The following MED9 variants were observed in gnomAD, a reference collection of about 807,000 sequenced individuals.
MED9 encodes the protein mediator complex subunit 9, also known as mediator of RNA polymerase II transcription subunit 9.
In MED9, 8 loss-of-function variants were observed where a neutral mutation model predicts 13.2. The observed-to-expected ratio is 0.61, with a 90% CI of 0.36 to 1.10. The LOEUF is 1.10. Among genes scored for constraint, MED9 ranks in the 50% least tolerant of loss-of-function variants. The pLI is 0.02. For missense variants in MED9, 180 were observed against 193.4 expected (o/e 0.93, Z 0.41); for synonymous variants, 87 against 82.8 (o/e 1.05, Z -0.28).
At position 17,484,611 on chromosome 17, in the gene MED9, C is replaced by T. The variant is rs566339603; in HGVS notation, c.225-6668C>T. Among the ~76,000 whole-genome samples, 258 of 152,382 alleles carry T rather than the reference C, an allele frequency of 1.7e-3. 1 individual carries two copies. The highest frequency in any genetic ancestry group is 6.0e-3 in the African/African-American group (250 of 41,602). Reference sequence around the variant, plus strand: ...GCATGCAGTTACTGCAGGCCTCTGCCGTTCACTTTCTTCTCCCTCAGCCAC... The same window carrying T: ...GCATGCAGTTACTGCAGGCCTCTGCTGTTCACTTTCTTCTCCCTCAGCCAC... On this transcript the variant is annotated intron_variant, in intron 1 of 1. Coordinates refer to ENST00000268711, the MANE Select transcript of MED9 (RefSeq NM_018019.3).
At chr17:17,488,941 T>C (rs2142476721) in intron 1 of MED9, among the ~76,000 whole-genome samples, 1 of 152,348 alleles carries the variant, frequency 6.6e-6, no homozygotes, top group Non-Finnish European at 1.5e-5. Flanking sequence ...AGTGGCTTTT[T>C]TCATTCCTTC....
rs915409657 is a variant in MED9 at position 17,493,059 on chromosome 17, G to T, written c.*1564G>T. 1 of 152,216 alleles carries T rather than the reference G, an allele frequency of 6.6e-6. No homozygotes were observed. Among genetic ancestry groups the T allele is most frequent in the Non-Finnish European group, 1.5e-5 (1 of 68,032 alleles). The allele number at this position is 152,216 out of a possible 1,614,324, so 9.4% of individuals were successfully genotyped here. A position where few individuals can be genotyped will look rare whatever the true frequency, so the allele number is the denominator to read the frequency against. ...ACAGATACCACGAAACATGAAGCAC[G>T]TGGAACTACAAGACCCCCGGGGTCT... On this transcript the variant is annotated 3_prime_UTR_variant, in exon 2 of 2. Transcript: ENST00000268711.
chr17:17,485,527 CTGGCAGGATGG>C (rs1381503388), intron 1 of MED9: 3 of 389,916 alleles, frequency 7.7e-6, no homozygotes, highest in East Asian at 3.6e-5. Flanking sequence ...GGAGATGGAG[CTGGCAGGATGG>C]TGGCTGGAAG....
intron 1 of MED9, among the ~76,000 whole-genome samples, chr17:17,479,460 T>C (rs537443956): frequency 2.2e-3 from 325 of 151,070 alleles, no homozygotes; most frequent in Non-Finnish European, 3.4e-3. Flanking sequence ...CTGTGAAACA[T>C]AGTGGGTTGA....
intron 1 of MED9, chr17:17,486,683 AC>A: frequency 1.9e-5 from 3 of 155,618 alleles, no homozygotes; most frequent in Non-Finnish European, 4.2e-5. Context: ...GACGAGCACC[AC>A]CCCCTGCTCC....
intron 1 of MED9, among the ~76,000 whole-genome samples, chr17:17,482,374 A>G (rs1905046016): frequency 6.6e-6 from 1 of 152,154 alleles, no homozygotes; most frequent in African/African-American, 2.4e-5. Flanking sequence ...GGCAAATCTC[A>G]TAGGTCAGAA....
Position 17,477,246 on chromosome 17 carries a change from G to A in MED9, c.205G>A (p.Val69Ile). The part of the protein sequence containing the change: ...EEENYSFLPL[V>I]HNIIKCMDKD... ...AGAGAACTACTCCTTTTTACCTTTG[G>A]TTCACAACATCATCAAATGGTAAGA... Residue 69 changes from valine to isoleucine, a missense_variant, in exon 1 of 2, where the codon GTT becomes ATT. Physicochemically the swap from Val to Ile is conservative, Grantham distance 29. Transcript: ENST00000268711. 1 of 1,601,402 alleles carries A rather than the reference G, an allele frequency of 6.2e-7. No individual in the cohort carries two copies. The highest frequency in any genetic ancestry group is 8.5e-7 in the Non-Finnish European group (1 of 1,172,332).
At chr17:17,491,023 A>C (rs1174578258) in intron 1 of MED9, among the ~76,000 whole-genome samples, 1 of 152,170 alleles carries the variant, frequency 6.6e-6, no homozygotes, top group Admixed American at 6.5e-5. Context: ...TCAGAGTGAC[A>C]GTTGACTTGA....
chr17:17,486,692 T>C, intron 1 of MED9: 1 of 155,628 alleles, frequency 6.4e-6, no homozygotes, highest in Non-Finnish European at 1.4e-5. Flanking sequence ...CACCCCCTGC[T>C]CCAGGGCGCC....
rs889687659 is a variant in MED9, at chr17:17,491,823, CG to C, written c.*330del. On this transcript the variant is annotated 3_prime_UTR_variant, in exon 2 of 2. Coordinates refer to ENST00000268711, the MANE Select transcript of MED9 (RefSeq NM_018019.3). ...TGGGGAGGGGGCCATCTGCTGCGCC[CG>C]GCCCCACTGACAGATCTGAAGAGCA... The C allele has an allele frequency of 1.2e-4, 45 of 369,756 alleles. No homozygotes were observed. The highest frequency in any genetic ancestry group is 9.2e-4 in the African/African-American group (44 of 47,976). 22.9% of individuals were successfully genotyped at this position (369,756 alleles called of 1,614,324 possible).
At position 17,491,807 on chromosome 17, in the gene MED9, G is replaced by T. The variant is rs911042903; in HGVS notation, c.*312G>T. The T allele has an allele frequency of 1.5e-5, 6 of 388,042 alleles. No individual in the cohort carries two copies. Among genetic ancestry groups the T allele is most frequent in the Non-Finnish European group, 2.9e-5 (6 of 204,450 alleles). The allele number at this position is 388,042 out of a possible 1,614,324, so 24.0% of individuals were successfully genotyped here. ...GACTCTCCCCTGCCTCTGGGGAGGG[G>T]GCCATCTGCTGCGCCCGGCCCCACT... is the stretch of plus-strand genomic sequence containing the variant. On this transcript the variant is annotated 3_prime_UTR_variant, in exon 2 of 2. Transcript: ENST00000268711.
At chr17:17,490,277 A>C (rs1365683147) in intron 1 of MED9, among the ~76,000 whole-genome samples, 3 of 152,230 alleles carry the variant, frequency 2.0e-5, no homozygotes, top group African/African-American at 7.2e-5. Flanking sequence ...CTCTACTAAA[A>C]ATACAAAAAT....
At chr17:17,485,231 CT>C in intron 1 of MED9, 1 of 395,658 alleles carries the variant, frequency 2.5e-6, no homozygotes, top group Non-Finnish European at 4.5e-6. Context: ...GGTTTCGTCT[CT>C]GTCTACAGGC....
In MED9 at chr17:17,492,380, C is replaced by G. The variant is rs1033177540; in HGVS notation, c.*885C>G. ...CCCTTGCTCTGGTTAAAAGGTCTTTCCCTCGTGGCCTTTGCACTTGCGGCA... is the reference window on the plus strand; with the variant it reads ...CCCTTGCTCTGGTTAAAAGGTCTTTGCCTCGTGGCCTTTGCACTTGCGGCA... On this transcript the variant is annotated 3_prime_UTR_variant, in exon 2 of 2. Transcript: ENST00000268711. 6.6e-6 allele frequency: 1 copy of G among 152,298 alleles called. No individual in the cohort carries two copies. The highest frequency in any genetic ancestry group is 1.5e-5 in the Non-Finnish European group (1 of 68,094). The allele number at this position is 152,298 out of a possible 1,614,324, so 9.4% of individuals were successfully genotyped here. A position where few individuals can be genotyped will look rare whatever the true frequency, so the allele number is the denominator to read the frequency against.
rs902869770 is a variant in MED9 at position 17,492,915 on chromosome 17, C to T, written c.*1420C>T. 6.6e-6 allele frequency: 1 copy of T among 152,238 alleles called. No homozygotes were observed. The highest frequency in any genetic ancestry group is 2.4e-5 in the African/African-American group (1 of 41,434). The allele number at this position is 152,238 out of a possible 1,614,324, so 9.4% of individuals were successfully genotyped here. The stretch of plus-strand genomic sequence containing the variant: ...CAGTGGCTTTGGACAGAAAAGAAGG[C>T]TCTGGATTTAAGCGGGTGGTCACCT... On this transcript the variant is annotated 3_prime_UTR_variant, in exon 2 of 2. Coordinates refer to ENST00000268711, the MANE Select transcript of MED9 (RefSeq NM_018019.3).
rs571393617 is a variant in MED9 at position 17,491,603 on chromosome 17, G to C, written c.*108G>C. 14 of 1,093,654 alleles carry C rather than the reference G, an allele frequency of 1.3e-5. No homozygotes were observed. Among genetic ancestry groups the C allele is most frequent in the Non-Finnish European group, 1.7e-5 (13 of 748,710 alleles). The allele number at this position is 1,093,654 out of a possible 1,614,324, so 67.7% of individuals were successfully genotyped here. ...GTTCCTGTGGACCCCAGCTCAGCTC[G>C]TCAAGCTGCAGGGGCGGGGCTCCTG... On this transcript the variant is annotated 3_prime_UTR_variant, in exon 2 of 2. Coordinates refer to ENST00000268711, the MANE Select transcript of MED9 (RefSeq NM_018019.3).
Position 17,491,498 on chromosome 17 carries a change from T to A in MED9, c.*3T>A, listed in dbSNP as rs1905227247. 1 of 1,604,306 alleles carries A rather than the reference T, an allele frequency of 6.2e-7. No homozygotes were observed. The highest frequency in any genetic ancestry group is 8.5e-7 in the Non-Finnish European group (1 of 1,171,684). On this transcript the variant is annotated 3_prime_UTR_variant, in exon 2 of 2. Transcript: ENST00000268711. ...TGTTCGAAATCCCCAAGGAGTAGAG[T>A]GAGGCTGACTTCCTTAGAAAGAGGG... is the stretch of plus-strand genomic sequence containing the variant.
At chr17:17,479,822 C>T (rs1904998641) in intron 1 of MED9, among the ~76,000 whole-genome samples, 1 of 152,014 alleles carries the variant, frequency 6.6e-6, no homozygotes, top group Non-Finnish European at 1.5e-5. Context: ...AAGCATAAAA[C>T]CAAAAAGAAT....
chr17:17,488,096 T>A (rs1159653205), intron 1 of MED9: 1 of 152,170 alleles, frequency 6.6e-6, no homozygotes, highest in African/African-American at 2.4e-5. Flanking sequence ...AAAAAAGTGA[T>A]CTTAGAAAAA....
Sources: allele counts gnomAD v4.1 joint callset (sites outside exome capture counted in the v4.1 genomes callset), GRCh38; gene constraint gnomAD v4.1.1; transcripts MANE v1.5; gene names NCBI Gene and HGNC (gene_info 2026-07-23, HGNC 2026-07-21).